STAT3: variants seen among roughly 807,000 people sequenced by gnomAD.
The protein encoded by STAT3 is signal transducer and activator of transcription 3.
In STAT3, 7 loss-of-function variants were observed where a neutral mutation model predicts 114.3. The observed-to-expected ratio is 0.06, with a 90% confidence interval of 0.03 to 0.11. The LOEUF (loss-of-function observed/expected upper bound fraction) is 0.11, where lower values mean the gene tolerates loss of function less well. Ranked by LOEUF, STAT3 falls within the 10% of genes least tolerant of loss-of-function variation. The pLI is 1.00. For synonymous variants in STAT3, 331 were observed against 354.5 expected (o/e 0.93, Z 0.74); for missense variants, 364 against 960.9 (o/e 0.38, Z 8.21).
At position 42,366,670 on chromosome 17, in the gene STAT3, CAAAAAAAAA is replaced by C. The variant is rs34003618; in HGVS notation, c.-23-18140_-23-18132del. ...TGGGAGACAGAGTAAGATCCTGTCT[CAAAAAAAAA>C]AAAAAAAAAAAAAAAGGAAGGTGAG... On this transcript the variant is annotated intron_variant, in intron 1 of 23. Transcript: ENST00000264657. Among the ~76,000 whole-genome samples, 164 of 57,612 alleles carry C rather than the reference CAAAAAAAAA, an allele frequency of 2.8e-3. 2 individuals carry two copies. In the East Asian group the frequency reaches 0.076, roughly 27 times the overall value. The allele number at this position is 57,612 out of a possible 152,430, so 37.8% of individuals were successfully genotyped here.
chr17:42,344,379 G>T (rs1190289510), intron 4 of STAT3, among the ~76,000 whole-genome samples: 1 of 143,838 alleles, frequency 7.0e-6, no homozygotes, highest in Non-Finnish European at 1.5e-5. Context: ...CTGAGATCAC[G>T]CCACTGCACT....
At chr17:42,317,601 A>G (rs2081301360) in intron 21 of STAT3, 1 of 320,636 alleles carries the variant, frequency 3.1e-6, no homozygotes, top group Admixed American at 4.3e-5. Flanking sequence ...TATCTCTTAG[A>G]TAACTTCTCT....
At chr17:42,352,168 G>A (rs538701591) in intron 1 of STAT3, among the ~76,000 whole-genome samples, 2 of 152,042 alleles carry the variant, frequency 1.3e-5, no homozygotes, top group Admixed American at 1.3e-4. Context: ...GTGAAACCCC[G>A]TCTCTACTAA....
At chr17:42,345,875 CT>C (rs370434509) in intron 3 of STAT3, among the ~76,000 whole-genome samples, 243 of 132,894 alleles carry the variant, frequency 1.8e-3, no homozygotes, top group Admixed American at 2.3e-3. Context: ...TAGCCTGAGT[CT>C]TTTTTTTTTT....
chr17:42,324,881 G>T lies in STAT3; in HGVS notation c.1465-35C>A, dbSNP rs1309640774. On this transcript the variant is annotated intron_variant, in intron 16 of 23. Transcript: ENST00000264657. This position sits in a 1 kb window ranked among gnomAD's most constrained non-coding sequence, Gnocchi z 4.5. ...AGAACACATTTGCTTGTTTAGATGAGGGATGGTGCTCATTGTCTATACTAG... is the reference window on the plus strand; with the variant it reads ...AGAACACATTTGCTTGTTTAGATGATGGATGGTGCTCATTGTCTATACTAG... 2 of 1,614,056 alleles carry T rather than the reference G, an allele frequency of 1.2e-6. No homozygotes were observed. Among genetic ancestry groups the T allele is most frequent in the Admixed American group, 3.3e-5 (2 of 59,990 alleles).
Position 42,325,189 on chromosome 17 carries a change from T to G in STAT3, c.1366-128A>C, listed in dbSNP as rs1466136826. The G allele has an allele frequency of 8.2e-6, 7 of 852,674 alleles. No individual in the cohort carries two copies. The East Asian group carries it at 1.6e-4, about 19-fold the overall frequency. The allele number at this position is 852,674 out of a possible 1,614,324, so 52.8% of individuals were successfully genotyped here. ...CATAAACCACACCTGCTGCCAACTC[T>G]AGGCGAGGAGTGTGAGTGAGTCAGC... On this transcript the variant is annotated intron_variant, in intron 15 of 23. Transcript: ENST00000264657.
At chr17:42,359,482 T>C (rs990138614) in intron 1 of STAT3, among the ~76,000 whole-genome samples, 3 of 152,092 alleles carry the variant, frequency 2.0e-5, no homozygotes, top group Admixed American at 2.0e-4. Context: ...AATATCTCCA[T>C]ACGTATTTCA....
intron 8 of STAT3, among the ~76,000 whole-genome samples, chr17:42,334,437 GCC>G (rs2082145363): frequency 7.5e-6 from 1 of 132,742 alleles, no homozygotes; most frequent in African/African-American, 2.9e-5. Context: ...ACTGCGCCTG[GCC>G]TTTTTTTTTT....
intron 1 of STAT3, among the ~76,000 whole-genome samples, chr17:42,365,439 A>T (rs1239593742): frequency 2.6e-5 from 4 of 152,184 alleles, no homozygotes; most frequent in Non-Finnish European, 1.5e-5. Flanking sequence ...GCTGTTATCT[A>T]AATTCCTGCC....
At position 42,324,582 on chromosome 17, in the gene STAT3, A is replaced by C; in HGVS notation, c.1600+129T>G. ...CCCAACTCCCCTGTTTCCTGGCACC[A>C]GCACAGCGCCTTGCTCAGGAAAGAA... On this transcript the variant is annotated intron_variant, in intron 17 of 23. Coordinates refer to ENST00000264657, the MANE Select transcript of STAT3 (RefSeq NM_139276.3). The surrounding 1 kb of genome is among the most constrained non-coding windows in gnomAD (Gnocchi z 4.5). 7.4e-7 allele frequency: 1 copy of C among 1,353,566 alleles called. No individual in the cohort carries two copies. Among genetic ancestry groups the C allele is most frequent in the East Asian group, 2.5e-5 (1 of 39,638 alleles). The allele number at this position is 1,353,566 out of a possible 1,614,324, so 83.8% of individuals were successfully genotyped here. A position where few individuals can be genotyped will look rare whatever the true frequency, so the allele number is the denominator to read the frequency against.
intron 1 of STAT3, among the ~76,000 whole-genome samples, chr17:42,365,627 T>C (rs2145200233): frequency 6.7e-6 from 1 of 149,926 alleles, no homozygotes; most frequent in Admixed American, 7.0e-5. Context: ...AGGAAGAGGC[T>C]TTGCTGTTAA....
Position 42,323,560 on chromosome 17 carries a change from C to T in STAT3, c.1653+13G>A. The T allele has an allele frequency of 6.2e-7, 1 of 1,614,024 alleles. No homozygotes were observed. The highest frequency in any genetic ancestry group is 8.5e-7 in the Non-Finnish European group (1 of 1,179,878). ...CATTCCCATTCCCACGAGAATTTAA[C>T]AAGATTGCTTACTTTGCAAAATTTA... On this transcript the variant is annotated intron_variant, in intron 18 of 23. Transcript: ENST00000264657.
At chr17:42,336,905 T>C (rs1030828941) in intron 8 of STAT3, among the ~76,000 whole-genome samples, 1 of 151,914 alleles carries the variant, frequency 6.6e-6, no homozygotes, top group African/African-American at 2.4e-5. Context: ...TTAAGTAAAA[T>C]ATACTTAAAA....
chr17:42,356,048 G>C (rs186067217), intron 1 of STAT3, among the ~76,000 whole-genome samples: 64 of 152,154 alleles, frequency 4.2e-4, no homozygotes, highest in African/African-American at 1.5e-3. Context: ...ATTTTAAATA[G>C]AGCATACCTG....
chr17:42,346,544 C>T, intron 3 of STAT3, 25 bp downstream of exon 3: 2 of 1,614,040 alleles, frequency 1.2e-6, no homozygotes, highest in Non-Finnish European at 1.7e-6. Context: ...TCCTGTTTCT[C>T]CTTGTCCTCA....
chr17:42,327,650 G>C (rs555603267), intron 14 of STAT3, among the ~76,000 whole-genome samples: 1 of 152,294 alleles, frequency 6.6e-6, no homozygotes, highest in East Asian at 1.9e-4. Flanking sequence ...TTACAGGTAT[G>C]TTCATTTTTA....
chr17:42,339,770 G>A (rs952999760), intron 4 of STAT3, among the ~76,000 whole-genome samples: 1 of 152,080 alleles, frequency 6.6e-6, no homozygotes, highest in African/African-American at 2.4e-5. Flanking sequence ...TAAAAAAAAA[G>A]TCCTGCCCTA....
rs1324966682 is a variant in STAT3 at position 42,381,664 on chromosome 17, G to A, written c.-24+6615C>T. On this transcript the variant is annotated intron_variant, in intron 1 of 23. Transcript: ENST00000264657. ...GGAGAGTGGCGTGAACCCGGGAGGC[G>A]GAGCTTGCAATGAGCCAAGATAGCG... 5.3e-5 allele frequency among the ~76,000 whole-genome samples: 8 copies of A among 151,318 alleles called. No individual in the cohort carries two copies. The East Asian group carries it at 7.8e-4, about 15-fold the overall frequency.
intron 1 of STAT3, among the ~76,000 whole-genome samples, chr17:42,359,419 T>C (rs758191430): frequency 6.6e-6 from 1 of 152,104 alleles, no homozygotes; most frequent in Non-Finnish European, 1.5e-5. Flanking sequence ...TGATTTGGCA[T>C]GTTAATTTAA....
Sources: allele counts gnomAD v4.1 joint callset (sites outside exome capture counted in the v4.1 genomes callset), GRCh38; gene constraint gnomAD v4.1.1; non-coding constraint Gnocchi (gnomAD v3.1); transcripts MANE v1.5; gene names NCBI Gene and HGNC (gene_info 2026-07-23, HGNC 2026-07-21).